ATP2B3: variants seen among roughly 807,000 people sequenced by gnomAD.
ATP2B3 encodes plasma membrane calcium-transporting ATPase 3.
A neutral mutation model predicts 70.8 loss-of-function variants in ATP2B3; 12 were observed. That is an observed-to-expected ratio of 0.17 (90% confidence interval 0.11 to 0.27). The LOEUF (loss-of-function observed/expected upper bound fraction) is 0.27, where lower values mean the gene tolerates loss of function less well. Ranked by LOEUF, ATP2B3 falls within the 10% of genes least tolerant of loss-of-function variation. The probability of loss-of-function intolerance (pLI) is 1.00; values close to 1 mark genes in which losing one functional copy is unlikely to be tolerated. For synonymous variants in ATP2B3, 460 were observed against 497.8 expected, an observed-to-expected ratio of 0.92 and a Z score of 1.01; for missense variants, 858 against 1,118.5, an observed-to-expected ratio of 0.77 and a Z score of 3.32.
At chrX:153,527,917 T>G (rs1483827588) in intron 2 of ATP2B3, among the ~76,000 whole-genome samples, 2 of 112,373 alleles carry the variant, frequency 1.8e-5, no homozygotes, top group Non-Finnish European at 3.8e-5. Context: ...CTCCTGGGCT[T>G]GAAGGAACCT....
intron 20 of ATP2B3, among the ~76,000 whole-genome samples, chrX:153,564,239 C>T (rs1009351676): frequency 1.8e-5 from 2 of 113,039 alleles, no homozygotes; most frequent in Non-Finnish European, 3.8e-5. Flanking sequence ...GTTGCGCAAA[C>T]AGCGCCTGTG....
intron 21 of ATP2B3, among the ~76,000 whole-genome samples, chrX:153,567,581 G>C (rs1484811525): frequency 8.8e-6 from 1 of 113,003 alleles, no homozygotes; most frequent in Non-Finnish European, 1.9e-5. Flanking sequence ...AGTGGTGTCA[G>C]TGGTACCCCG....
At chrX:153,569,187 G>C in intron 21 of ATP2B3, 1 of 393,323 alleles carries the variant, frequency 2.5e-6, no homozygotes, top group Middle Eastern at 4.4e-4. Context: ...TGGGGCATAA[G>C]TCCTCCGGGT....
chrX:153,527,389 G>A (rs2090050671), intron 2 of ATP2B3, among the ~76,000 whole-genome samples: 1 of 113,351 alleles, frequency 8.8e-6, no homozygotes, highest in South Asian at 3.6e-4. Flanking sequence ...GGCAGGCCCG[G>A]GCTGGCAGGA....
intron 21 of ATP2B3, among the ~76,000 whole-genome samples, chrX:153,573,025 A>G (rs1417210941): frequency 1.8e-5 from 2 of 112,344 alleles, no homozygotes; most frequent in African/African-American, 3.2e-5. Context: ...CAGCAGCGCC[A>G]CACCAGGCCT....
chrX:153,573,037 T>C (rs2090811980), intron 21 of ATP2B3, among the ~76,000 whole-genome samples: 2 of 112,294 alleles, frequency 1.8e-5, no homozygotes, highest in Admixed American at 9.3e-5. Context: ...ACCAGGCCTG[T>C]GTGAGATGCT....
At chrX:153,546,004 C>A in intron 7 of ATP2B3, 84 bp from the exon 8 acceptor site, 3 of 1,079,246 alleles carry the variant, frequency 2.8e-6, no homozygotes, top group Non-Finnish European at 3.8e-6. Context: ...AGCAATCAGG[C>A]CCCTCCTCCC....
intron 2 of ATP2B3, among the ~76,000 whole-genome samples, chrX:153,533,924 A>C (rs781816734): frequency 5.4e-5 from 6 of 110,687 alleles, no homozygotes; most frequent in Non-Finnish European, 1.1e-4. Flanking sequence ...GGATGAGCAC[A>C]TGCCAGGGGA....
chrX:153,549,913 G>C, intron 11 of ATP2B3, 132 bp from the exon 12 acceptor site: 1 of 1,095,946 alleles, frequency 9.1e-7, no homozygotes. Context: ...AGCTAAGGCC[G>C]ACCTTCCTCT....
intron 2 of ATP2B3, among the ~76,000 whole-genome samples, chrX:153,523,354 C>T (rs2089985043): frequency 8.9e-6 from 1 of 112,161 alleles, no homozygotes; most frequent in Non-Finnish European, 1.9e-5. Flanking sequence ...TTGTAATTCG[C>T]TTAATTATTT....
At chrX:153,542,073 G>A in intron 5 of ATP2B3, 147 bp downstream of exon 5, 4 of 569,700 alleles carry the variant, frequency 7.0e-6, no homozygotes, top group Non-Finnish European at 9.3e-6. Flanking sequence ...TGGCGGGGGT[G>A]GGGGAGGTGG....
At chrX:153,555,818 C>A (rs2124474706) in intron 13 of ATP2B3, among the ~76,000 whole-genome samples, 1 of 112,996 alleles carries the variant, frequency 8.8e-6, no homozygotes, top group South Asian at 3.6e-4. Flanking sequence ...GTGCAGGATT[C>A]AATGAGTTAC....
At chrX:153,565,189 C>G in intron 21 of ATP2B3, 86 bp downstream of exon 21, 2 of 1,035,167 alleles carry the variant, frequency 1.9e-6, no homozygotes, top group Non-Finnish European at 2.6e-6. Flanking sequence ...AGCCGGCCGT[C>G]TGCACCCGAC....
At chrX:153,556,697 T>G (rs1400436789) in intron 15 of ATP2B3, among the ~76,000 whole-genome samples, 1 of 112,330 alleles carries the variant, frequency 8.9e-6, no homozygotes, top group African/African-American at 3.2e-5. Context: ...CAGATCCCTA[T>G]CCTCCCACCC....
At chrX:153,566,064 C>T (rs976773836) in intron 21 of ATP2B3, among the ~76,000 whole-genome samples, 12 of 112,567 alleles carry the variant, frequency 1.1e-4, no homozygotes, top group East Asian at 2.8e-4. Flanking sequence ...ACCCCACCTG[C>T]GGCCTGGCCC....
chrX:153,580,149 C>T lies in ATP2B3; in HGVS notation c.3514C>T (p.Arg1172Trp), dbSNP rs267606393. Reference protein sequence around the residue: ...TDVDENEERLRAPPPPSPNQN... With the variant: ...TDVDENEERLWAPPPPSPNQN... The stretch of plus-strand genomic sequence containing the variant: ...CGTGGACGAGAACGAGGAGCGCCTC[C>T]GGGCCCCCCCGCCCCCGTCCCCCAA... The change falls in exon 22 of 22, where the codon CGG becomes TGG. Residue 1172 changes from arginine (R) to tryptophan (W), a missense_variant. Arg to Trp is a moderately radical substitution (Grantham distance 101). Transcript: ENST00000263519. 2 of 1,209,835 alleles carry T rather than the reference C, an allele frequency of 1.7e-6. No individual in the cohort carries two copies. The highest frequency in any genetic ancestry group is 2.2e-5 in the Admixed American group (1 of 45,847).
intron 2 of ATP2B3, among the ~76,000 whole-genome samples, chrX:153,530,826 AG>A (rs1434170789): frequency 2.8e-5 from 3 of 107,806 alleles, no homozygotes; most frequent in African/African-American, 1.0e-4. Context: ...TGGGGGGCAG[AG>A]GGGGAGCCTG....
At chrX:153,560,219 G>A (rs192715046) in intron 18 of ATP2B3, among the ~76,000 whole-genome samples, 2 of 111,946 alleles carry the variant, frequency 1.8e-5, no homozygotes, top group African/African-American at 3.2e-5. Context: ...TCCTGCCCAC[G>A]GCTGTGTAGC....
rs2090273922 is a variant in ATP2B3 at position 153,541,199 on chromosome X, G to T, written c.209-160G>T. On this transcript the variant is annotated intron_variant, in intron 3 of 21. Coordinates refer to ENST00000263519, the MANE Select transcript of ATP2B3 (RefSeq NM_001001344.3). The stretch of plus-strand genomic sequence containing the variant: ...CACACCCCCAGCAGTCTGCAGAAAG[G>T]CTCCTGTCTAGAGGGAGAGCCAGGC... Among the ~76,000 whole-genome samples, 6 of 112,838 alleles carry T rather than the reference G, an allele frequency of 5.3e-5. No individual in the cohort carries two copies. The Admixed American group carries it at 5.6e-4, about 11-fold the overall frequency.
Sources: allele counts gnomAD v4.1 joint callset (sites outside exome capture counted in the v4.1 genomes callset), GRCh38; gene constraint gnomAD v4.1.1; transcripts MANE v1.5; gene names NCBI Gene and HGNC (gene_info 2026-07-23, HGNC 2026-07-21).